The following ALDH9A1 variants were observed in gnomAD, a reference collection of about 807,000 sequenced individuals.
ALDH9A1 encodes the protein 4-trimethylaminobutyraldehyde dehydrogenase.
Under a neutral mutation model 56.6 loss-of-function variants are expected in ALDH9A1, and 42 were observed. The ratio of observed to expected loss-of-function variants is 0.74; its 90% CI spans 0.58 to 0.96. The LOEUF is 0.96. Among genes scored for constraint, ALDH9A1 ranks in the 40% least tolerant of loss-of-function variants. The pLI is 0.00. For synonymous variants in ALDH9A1, 242 were observed against 236.0 expected (o/e 1.03, Z -0.23); for missense variants, 661 against 651.5 (o/e 1.01, Z -0.16).
At position 165,680,570 on chromosome 1, in the gene ALDH9A1, C is replaced by T. The variant is rs1033172420; in HGVS notation, c.706G>A (p.Gly236Arg). 1 of 1,614,166 alleles carries T rather than the reference C, an allele frequency of 6.2e-7. No homozygotes were observed. The change falls in exon 5 of 11, where the codon GGG becomes AGG. Residue 236 changes from glycine (G) to arginine (R), a missense_variant. Coordinates refer to ENST00000354775, the MANE Select transcript of ALDH9A1 (RefSeq NM_000696.4). Reference sequence around the variant, plus strand: ...CACAGAAACTGGCCTGTGGCAGCCCCTCCCTGCACCACATTGAAGAGCCCA... The same window carrying T: ...CACAGAAACTGGCCTGTGGCAGCCCTTCCCTGCACCACATTGAAGAGCCCA... ...PPGLFNVVQG[G>R]AATGQFLCQH... is the part of the protein sequence containing the mutation.
At chr1:165,679,689 G>T in intron 5 of ALDH9A1, 107 bp from the exon 6 acceptor site, 2 of 1,199,156 alleles carry the variant, frequency 1.7e-6, no homozygotes, top group Non-Finnish European at 2.4e-6. Flanking sequence ...TTTGTGACCT[G>T]TAGCCTTATT....
In ALDH9A1 at chr1:165,682,154, T is replaced by C. The variant is rs772742063; in HGVS notation, c.545A>G (p.Tyr182Cys). The C allele has an allele frequency of 2.5e-6, 4 of 1,613,908 alleles. No individual in the cohort carries two copies. The East Asian group carries it at 8.9e-5, about 36-fold the overall frequency. Residue 182 changes from tyrosine to cysteine, a missense_variant, in exon 4 of 11, where the codon TAC (tyrosine) becomes TGC (cysteine). Transcript: ENST00000354775. ...GVCVGIGAWN[Y>C]PFQIASWKSA... ...CTTCCAAGAGGCAATCTGAAAGGGG[T>C]AGTTCCATGCTCCTATTCCCACACA...
Position 165,667,530 on chromosome 1 carries a change from C to T in ALDH9A1, c.1208-80G>A, listed in dbSNP as rs113466612. On this transcript the variant is annotated intron_variant, in intron 8 of 10. Coordinates refer to ENST00000354775, the MANE Select transcript of ALDH9A1 (RefSeq NM_000696.4). ...CACCCCCAGCTAATTTTTTGAAGAT[C>T]GGGTCTCACTATGTTGCCCAGTCTG... The T allele has an allele frequency of 3.6e-4, 544 of 1,504,808 alleles. 3 individuals are homozygous for T. In the African/African-American group the frequency reaches 6.1e-3, roughly 17 times the overall value. The allele number at this position is 1,504,808 out of a possible 1,614,324, so 93.2% of individuals were successfully genotyped here.
chr1:165,694,224 A>G (rs866992943), intron 2 of ALDH9A1, among the ~76,000 whole-genome samples: 3,259 of 150,604 alleles, frequency 0.022, 65 homozygotes, highest in Non-Finnish European at 0.033. Context: ...AAAAAAAAAA[A>G]GGAGGCAGGA....
intron 6 of ALDH9A1, among the ~76,000 whole-genome samples, chr1:165,673,559 C>T (rs1329335849): frequency 6.6e-6 from 1 of 152,120 alleles, no homozygotes; most frequent in East Asian, 1.9e-4. Flanking sequence ...CTGAGGAGAT[C>T]CTCCCGACCC....
chr1:165,686,756 C>T (rs1378335897), intron 2 of ALDH9A1, among the ~76,000 whole-genome samples: 2 of 152,086 alleles, frequency 1.3e-5, no homozygotes, highest in African/African-American at 4.8e-5. Flanking sequence ...CAAGACTATC[C>T]AGCACCCAGC....
Position 165,665,188 on chromosome 1 carries a change from C to G in ALDH9A1, c.1350-58G>C, listed in dbSNP as rs3820362. ...AGAGTTTCTTAGGCTACTACTTTAA[C>G]AGGAAAAGTTACACTGCCAGTTCTA... On this transcript the variant is annotated intron_variant, in intron 9 of 10. Transcript: ENST00000354775. The G allele has an allele frequency of 0.42, 583,778 of 1,386,306 alleles. 126,509 individuals carry two copies. Among genetic ancestry groups the G allele is most frequent in the Middle Eastern group, 0.46 (2,588 of 5,568 alleles). 85.9% of individuals were successfully genotyped at this position (1,386,306 alleles called of 1,614,324 possible).
At chr1:165,691,298 C>T (rs1164609660) in intron 2 of ALDH9A1, among the ~76,000 whole-genome samples, 2 of 152,180 alleles carry the variant, frequency 1.3e-5, no homozygotes, top group African/African-American at 4.8e-5. Flanking sequence ...GCTGAGGGTC[C>T]TGACTATTAG....
chr1:165,697,782 A>C (rs972639304), intron 1 of ALDH9A1, among the ~76,000 whole-genome samples: 3 of 152,152 alleles, frequency 2.0e-5, no homozygotes, highest in Admixed American at 6.5e-5. Context: ...TAATCCCAGC[A>C]CTTTGGGAGG....
intron 6 of ALDH9A1, among the ~76,000 whole-genome samples, chr1:165,675,500 C>G (rs367647424): frequency 2.0e-5 from 3 of 152,092 alleles, no homozygotes; most frequent in African/African-American, 7.2e-5. Flanking sequence ...GAAGCAAAAA[C>G]CAGAAACAAA....
chr1:165,678,869 C>T (rs1577847), intron 6 of ALDH9A1, among the ~76,000 whole-genome samples: 110,562 of 152,140 alleles, frequency 0.73, 40,636 homozygotes, highest in East Asian at 0.99. Context: ...AAAATGTCAA[C>T]GTCCTGAAAG....
intron 2 of ALDH9A1, among the ~76,000 whole-genome samples, chr1:165,687,664 G>A (rs1041739680): frequency 3.9e-5 from 6 of 152,150 alleles, no homozygotes; most frequent in Non-Finnish European, 5.9e-5. Flanking sequence ...TACAGAATCT[G>A]AAAGAGTACC....
intron 6 of ALDH9A1, 44 bp from the exon 7 acceptor site, chr1:165,669,494 G>A (rs1456679145): frequency 2.1e-5 from 30 of 1,453,434 alleles, no homozygotes; most frequent in East Asian, 7.3e-5. Flanking sequence ...TGTGTAAGGA[G>A]AAAAAAGGGA....
chr1:165,695,739 A>C (rs1385828682), intron 1 of ALDH9A1, among the ~76,000 whole-genome samples: 1 of 151,844 alleles, frequency 6.6e-6, no homozygotes, highest in Non-Finnish European at 1.5e-5. Context: ...CTTGTGACCC[A>C]CCCGCCTCAG....
chr1:165,693,354 T>C (rs1352497067), intron 2 of ALDH9A1, among the ~76,000 whole-genome samples: 1 of 152,060 alleles, frequency 6.6e-6, no homozygotes, highest in Non-Finnish European at 1.5e-5. Context: ...ACAATGAACT[T>C]AAACAAATTT....
intron 10 of ALDH9A1, among the ~76,000 whole-genome samples, chr1:165,664,276 A>G (rs958167183): frequency 1.3e-5 from 2 of 152,166 alleles, no homozygotes; most frequent in African/African-American, 4.8e-5. Flanking sequence ...GTGCCTCGAC[A>G]AAGTCCAAAC....
At chr1:165,694,567 T>G (rs1402368527) in intron 2 of ALDH9A1, among the ~76,000 whole-genome samples, 1 of 152,038 alleles carries the variant, frequency 6.6e-6, no homozygotes, top group Non-Finnish European at 1.5e-5. Context: ...TAACGATACT[T>G]AAAACCCTAT....
chr1:165,671,427 G>T, intron 6 of ALDH9A1: 1 of 447,346 alleles, frequency 2.2e-6, no homozygotes, highest in East Asian at 6.3e-5. Flanking sequence ...TTCACAAATC[G>T]GTGGGATCCT....
At chr1:165,671,778 C>CA (rs373324484) in intron 6 of ALDH9A1, 5,635 of 228,584 alleles carry the variant, frequency 0.025, 210 homozygotes, top group African/African-American at 0.1. Context: ...AACTAACAAA[C>CA]AAAAAAAAAA....
Sources: allele counts gnomAD v4.1 joint callset (sites outside exome capture counted in the v4.1 genomes callset), GRCh38; gene constraint gnomAD v4.1.1; transcripts MANE v1.5; gene names NCBI Gene and HGNC (gene_info 2026-07-23, HGNC 2026-07-21).